ROBO1: variants seen among roughly 807,000 people sequenced by gnomAD.
ROBO1 encodes roundabout guidance receptor 1, also known as roundabout homolog 1.
In ROBO1, 149 loss-of-function variants were observed where a neutral mutation model predicts 195.9. The ratio of observed to expected loss-of-function variants is 0.76; its 90% confidence interval spans 0.67 to 0.87. ROBO1 has a LOEUF of 0.87. ROBO1 is among the 40% of genes least tolerant of loss of function. The probability of loss-of-function intolerance (pLI) is 0.00; values close to 1 mark genes in which losing one functional copy is unlikely to be tolerated. For missense variants in ROBO1, 1,933 were observed against 2,068.3 expected (o/e 0.93, Z 1.27); for synonymous variants, 816 against 733.2 (o/e 1.11, Z -1.82).
At chr3:79,160,084 C>G (rs1366388261) in intron 2 of ROBO1, among the ~76,000 whole-genome samples, 1 of 152,008 alleles carries the variant, frequency 6.6e-6, no homozygotes. Context: ...AAATATTCCA[C>G]TTGAGTTGAA....
Position 78,960,797 on chromosome 3 carries a change from C to A in ROBO1, c.173-21870G>T, listed in dbSNP as rs941541244. On this transcript the variant is annotated intron_variant, in intron 3 of 30. Transcript: ENST00000464233. ...GTATTAAAACACACACACACACACA[C>A]ACACACACACACACACACACACACA... 3.1e-3 allele frequency among the ~76,000 whole-genome samples: 453 copies of A among 145,982 alleles called. 3 individuals carry two copies. Among genetic ancestry groups the A allele is most frequent in the Middle Eastern group, 0.021 (6 of 282 alleles).
At chr3:78,821,314 TACC>T (rs901178797) in intron 4 of ROBO1, among the ~76,000 whole-genome samples, 2 of 151,742 alleles carry the variant, frequency 1.3e-5, no homozygotes, top group Non-Finnish European at 2.9e-5. Flanking sequence ...TACAGGTGTG[TACC>T]ACCACGCCCG....
At chr3:79,718,767 T>C (rs1485458761) in intron 1 of ROBO1, among the ~76,000 whole-genome samples, 1 of 152,042 alleles carries the variant, frequency 6.6e-6, no homozygotes, top group Non-Finnish European at 1.5e-5. Context: ...AAAAAGAACA[T>C]GTGGCATTTC....
At chr3:79,076,207 C>G (rs1447603039) in intron 3 of ROBO1, among the ~76,000 whole-genome samples, 1 of 146,900 alleles carries the variant, frequency 6.8e-6, no homozygotes, top group Non-Finnish European at 1.5e-5. Context: ...AATCACAAGA[C>G]CATATATAGG....
intron 1 of ROBO1, among the ~76,000 whole-genome samples, chr3:79,651,786 T>G (rs748355270): frequency 2.0e-5 from 3 of 152,164 alleles, no homozygotes; most frequent in Admixed American, 1.3e-4. Context: ...TCCACTTACA[T>G]TCTTCTTCTA....
At chr3:79,736,532 T>C (rs1416218958) in intron 1 of ROBO1, among the ~76,000 whole-genome samples, 1 of 152,172 alleles carries the variant, frequency 6.6e-6, no homozygotes, top group African/African-American at 2.4e-5. Flanking sequence ...ACAAGGGAGA[T>C]GTAATAATAG....
At chr3:78,966,320 G>T (rs1576482935) in intron 3 of ROBO1, among the ~76,000 whole-genome samples, 2 of 152,280 alleles carry the variant, frequency 1.3e-5, no homozygotes, top group East Asian at 3.9e-4. Flanking sequence ...TAAACGCAAT[G>T]GGGGAAATCC....
rs1491106263 is a variant in ROBO1 at position 79,575,235 on chromosome 3, TAA to T, written c.88+14587_88+14588del. On this transcript the variant is annotated intron_variant, in intron 2 of 30. Transcript: ENST00000464233. ...GATATATATATATAACAAATATATA[TAA>T]ATATATATAACAAATATATATAAAT... Among the ~76,000 whole-genome samples, 420 of 80,342 alleles carry T rather than the reference TAA, an allele frequency of 5.2e-3. 8 individuals are homozygous for T. Among genetic ancestry groups the T allele is most frequent in the African/African-American group, 0.022 (403 of 17,982 alleles). 52.7% of individuals were successfully genotyped at this position (80,342 alleles called of 152,430 possible). A position where few individuals can be genotyped will look rare whatever the true frequency, so the allele number is the denominator to read the frequency against.
chr3:79,394,547 C>T (rs1041093562), intron 2 of ROBO1, among the ~76,000 whole-genome samples: 1 of 151,624 alleles, frequency 6.6e-6, no homozygotes, highest in Non-Finnish European at 1.5e-5. Context: ...AATATAGATA[C>T]ATGTATTCTT....
intron 28 of ROBO1, among the ~76,000 whole-genome samples, chr3:78,612,992 CA>C (rs1703907126): frequency 6.6e-6 from 1 of 152,088 alleles, no homozygotes; most frequent in Admixed American, 6.5e-5. Flanking sequence ...AGTTATTATT[CA>C]GGGATTAGTT....
At chr3:78,903,031 C>A (rs963271347) in intron 4 of ROBO1, among the ~76,000 whole-genome samples, 3 of 152,080 alleles carry the variant, frequency 2.0e-5, no homozygotes, top group African/African-American at 7.2e-5. Flanking sequence ...TTTATAAATA[C>A]AGAGTTTTGA....
At chr3:79,675,223 A>G (rs1407511170) in intron 1 of ROBO1, among the ~76,000 whole-genome samples, 1 of 136,732 alleles carries the variant, frequency 7.3e-6, no homozygotes, top group Non-Finnish European at 1.5e-5. Context: ...GAAACAAGAG[A>G]AATTGATTGT....
chr3:78,852,603 G>A (rs2034136857), intron 4 of ROBO1, among the ~76,000 whole-genome samples: 1 of 152,088 alleles, frequency 6.6e-6, no homozygotes, highest in South Asian at 2.1e-4. Flanking sequence ...TTTATGCCCT[G>A]TTATTTTAGC....
At chr3:78,823,925 G>T (rs2031310465) in intron 4 of ROBO1, among the ~76,000 whole-genome samples, 1 of 152,064 alleles carries the variant, frequency 6.6e-6, no homozygotes, top group Admixed American at 6.6e-5. Context: ...ATGCATGTGT[G>T]TGTACCTTAT....
intron 29 of ROBO1, among the ~76,000 whole-genome samples, chr3:78,601,389 C>T (rs1300287660): frequency 2.6e-5 from 4 of 152,166 alleles, no homozygotes. Context: ...TTGATAGCGT[C>T]TTGTTCTTTC....
At chr3:78,642,176 A>G (rs1010896544) in intron 21 of ROBO1, among the ~76,000 whole-genome samples, 1 of 152,174 alleles carries the variant, frequency 6.6e-6, no homozygotes, top group Non-Finnish European at 1.5e-5. Context: ...ATCATGTAAT[A>G]TTATCATATA....
At chr3:79,329,733 G>T (rs2034355820) in intron 2 of ROBO1, among the ~76,000 whole-genome samples, 1 of 152,082 alleles carries the variant, frequency 6.6e-6, no homozygotes, top group Non-Finnish European at 1.5e-5. Context: ...AGGAACTATT[G>T]TTAAGTGAGA....
chr3:79,518,918 G>A (rs1315358787), intron 2 of ROBO1, among the ~76,000 whole-genome samples: 1 of 151,440 alleles, frequency 6.6e-6, no homozygotes, highest in African/African-American at 2.4e-5. Context: ...GACCTCAAGT[G>A]ATCCACCCGC....
At chr3:79,235,363 T>C (rs2082388699) in intron 2 of ROBO1, among the ~76,000 whole-genome samples, 1 of 152,002 alleles carries the variant, frequency 6.6e-6, no homozygotes, top group Admixed American at 6.5e-5. Flanking sequence ...ATTTTCATAA[T>C]CATCATTATA....
Sources: gnomAD v4.1 joint callset for allele counts (sites outside exome capture counted in the v4.1 genomes callset) on GRCh38, gnomAD v4.1.1 for gene constraint, MANE v1.5 for transcripts, NCBI Gene and HGNC (gene_info 2026-07-23, HGNC 2026-07-21) for gene names.